Variants in OGG1 observed in about 807,000 individuals in gnomAD.
OGG1 encodes 8-oxoguanine DNA glycosylase, also known as N-glycosylase/DNA lyase.
Under a neutral mutation model 42.3 loss-of-function variants are expected in OGG1, and 35 were observed. The ratio of observed to expected loss-of-function variants is 0.83; its 90% confidence interval spans 0.63 to 1.10. The LOEUF (loss-of-function observed/expected upper bound fraction) is 1.10, where lower values mean the gene tolerates loss of function less well. OGG1 is among the 50% of genes least tolerant of loss of function. The probability of loss-of-function intolerance (pLI) is 0.00; values close to 1 mark genes in which losing one functional copy is unlikely to be tolerated. For missense variants in OGG1, 484 were observed against 446.7 expected (o/e 1.08, Z -0.75); for synonymous variants, 189 against 179.0 (o/e 1.06, Z -0.44).
chr3:9,757,586 C>A, downstream of OGG1: 1 of 1,614,166 alleles, frequency 6.2e-7, no homozygotes, highest in South Asian at 1.1e-5. This position sits in a 1 kb window ranked among gnomAD's most constrained non-coding sequence, Gnocchi z 4.5. Context: ...CCCGGCTCCA[C>A]GCAGCAGTCT....
chr3:9,751,238 C>G (rs754298697), intron 2 of OGG1, 46 bp downstream of exon 2: 1 of 1,600,316 alleles, frequency 6.2e-7, no homozygotes, highest in Non-Finnish European at 8.5e-7. Flanking sequence ...GGACATAAGT[C>G]ACTTCTCTAT....
chr3:9,768,298 C>A (rs969446244), downstream of OGG1, among the ~76,000 whole-genome samples: 3 of 152,238 alleles, frequency 2.0e-5, no homozygotes, highest in East Asian at 3.8e-4. Flanking sequence ...TTTTAAATAG[C>A]TCTTTCTGCA....
At chr3:9,791,048 A>G (rs1191888381), downstream of OGG1, among the ~76,000 whole-genome samples, 2 of 152,226 alleles carry the variant, frequency 1.3e-5, no homozygotes, top group African/African-American at 4.8e-5. Context: ...TGGGGTGCCA[A>G]TAAAAGCTTA....
At chr3:9,767,895 T>C, downstream of OGG1, 1 of 1,352,636 alleles carries the variant, frequency 7.4e-7, no homozygotes, top group Non-Finnish European at 9.7e-7. Context: ...GATTCATCCA[T>C]TTGACAAAAT....
intron 2 of OGG1, among the ~76,000 whole-genome samples, chr3:9,775,016 G>A (rs9824918): frequency 0.021 from 3,184 of 150,252 alleles, 121 homozygotes; most frequent in African/African-American, 0.07. Context: ...TTGGGAGGCC[G>A]AGGCAGGAGG....
downstream of OGG1, chr3:9,767,635 C>T (rs751245470): frequency 1.2e-6 from 2 of 1,613,044 alleles, no homozygotes; most frequent in East Asian, 2.2e-5. Context: ...CCTCCCTCAG[C>T]CATCCAGCAC....
At chr3:9,770,543 T>G (rs901469849), downstream of OGG1, among the ~76,000 whole-genome samples, 6 of 152,146 alleles carry the variant, frequency 3.9e-5, no homozygotes, top group Non-Finnish European at 7.4e-5. Context: ...AGACACTTGC[T>G]CCTCAGAGCG....
intron 2 of OGG1, among the ~76,000 whole-genome samples, chr3:9,779,452 C>T (rs1198420566): frequency 6.6e-6 from 1 of 151,982 alleles, no homozygotes; most frequent in Non-Finnish European, 1.5e-5. Context: ...AAGGACTCAC[C>T]TTAGGCAGAG....
At chr3:9,756,288 C>T (rs964550690) in intron 4 of OGG1, among the ~76,000 whole-genome samples, 183 bp from the exon 5 acceptor site, 3 of 152,074 alleles carry the variant, frequency 2.0e-5, no homozygotes, top group African/African-American at 4.8e-5. Context: ...GGCAACAGAG[C>T]GAGACTCCAT....
rs184358958 is a variant in OGG1 at position 9,757,192 on chromosome 3, C to A, written c.*42C>A. 3.1e-6 allele frequency: 5 copies of A among 1,613,898 alleles called. No homozygotes were observed. The African/African-American group carries it at 6.7e-5, about 22-fold the overall frequency. On this transcript the variant is annotated 3_prime_UTR_variant, in exon 7 of 7. Transcript: ENST00000344629. The surrounding 1 kb of genome is among the most constrained non-coding windows in gnomAD (Gnocchi z 4.5). ...AAAGAAATTCCCCAAGCACCTTCCC[C>A]TCCATTCCCCACTTCTCTCTCCCCA... is the stretch of plus-strand genomic sequence containing the variant.
intron 3 of OGG1, among the ~76,000 whole-genome samples, chr3:9,782,471 A>G (rs889888294): frequency 3.3e-5 from 5 of 152,224 alleles, no homozygotes; most frequent in African/African-American, 1.2e-4. Context: ...CCCTCAGCAT[A>G]CATTAGTCAC....
chr3:9,760,803 T>A (rs770027995), downstream of OGG1: 2 of 1,612,886 alleles, frequency 1.2e-6, no homozygotes, highest in East Asian at 2.2e-5. Flanking sequence ...ATTTCCACTT[T>A]CGGGTGCCGT....
chr3:9,775,203 C>T (rs1220680201), intron 2 of OGG1, among the ~76,000 whole-genome samples: 1 of 151,930 alleles, frequency 6.6e-6, no homozygotes, highest in Non-Finnish European at 1.5e-5. Flanking sequence ...TATGCCACTG[C>T]ACTCCAGCCT....
downstream of OGG1, chr3:9,759,198 C>T: frequency 6.2e-7 from 1 of 1,613,666 alleles, no homozygotes; most frequent in Non-Finnish European, 8.5e-7. Context: ...TCTGTCAGGT[C>T]ATCACCACTT....
chr3:9,757,773 C>T, downstream of OGG1: 2 of 1,614,150 alleles, frequency 1.2e-6, no homozygotes, highest in Non-Finnish European at 1.7e-6. This position sits in a 1 kb window ranked among gnomAD's most constrained non-coding sequence, Gnocchi z 4.5. Flanking sequence ...CGCCGTCTGC[C>T]CCTGCCCCTC....
chr3:9,777,308 A>G (rs1232082683), intron 2 of OGG1, among the ~76,000 whole-genome samples: 4 of 152,206 alleles, frequency 2.6e-5, no homozygotes, highest in Non-Finnish European at 5.9e-5. Flanking sequence ...AGGTACTGGA[A>G]CTAATCCGCC....
chr3:9,766,824 C>G (rs61620061), downstream of OGG1: 2,525 of 177,668 alleles, frequency 0.014, 66 homozygotes, highest in African/African-American at 0.056. Flanking sequence ...TTGTCCCTCT[C>G]CAATTTACCC....
intron 4 of OGG1, among the ~76,000 whole-genome samples, chr3:9,755,218 G>C (rs1304205378): frequency 6.6e-6 from 1 of 151,708 alleles, no homozygotes; most frequent in South Asian, 2.1e-4. Context: ...TCTTCTTTTC[G>C]GTTTTTTGTT....
downstream of OGG1, among the ~76,000 whole-genome samples, chr3:9,767,131 C>A (rs1448851670): frequency 6.6e-6 from 1 of 152,180 alleles, no homozygotes; most frequent in East Asian, 1.9e-4. Flanking sequence ...ACCTACCCAT[C>A]CTTCAGTCCC....
Sources: allele counts gnomAD v4.1 joint callset (sites outside exome capture counted in the v4.1 genomes callset), GRCh38; gene constraint gnomAD v4.1.1; non-coding constraint Gnocchi (gnomAD v3.1); transcripts MANE v1.5; gene names NCBI Gene and HGNC (gene_info 2026-07-23, HGNC 2026-07-21).